The following PRDM16 variants were observed in gnomAD, a reference collection of about 807,000 sequenced individuals.
PRDM16 encodes PR/SET domain 16.
PRDM16 carries 23 observed loss-of-function variants against 110.6 expected under a neutral mutation model. That is an observed-to-expected ratio of 0.21 (90% confidence interval 0.15 to 0.29). The LOEUF (loss-of-function observed/expected upper bound fraction) is 0.29, where lower values mean the gene tolerates loss of function less well. Ranked by LOEUF, PRDM16 falls within the 10% of genes least tolerant of loss-of-function variation. PRDM16 has a pLI of 1.00. For missense variants in PRDM16, 1,615 were observed against 1,794.3 expected, an observed-to-expected ratio of 0.90 and a Z score of 1.81; for synonymous variants, 799 against 781.8, an observed-to-expected ratio of 1.02 and a Z score of -0.37.
rs926184932 is a variant in PRDM16 at position 3,180,906 on chromosome 1, T to C, written c.38-5219T>C. On this transcript the variant is annotated intron_variant, in intron 1 of 16. Coordinates refer to ENST00000270722, the MANE Select transcript of PRDM16 (RefSeq NM_022114.4). ...CTTACACACGGCCTCACACACGCAGTCTTACACGCAGCCTTACACACGCAG... is the reference window on the plus strand; with the variant it reads ...CTTACACACGGCCTCACACACGCAGCCTTACACGCAGCCTTACACACGCAG... Among the ~76,000 whole-genome samples the C allele has an allele frequency of 1.2e-3, 164 of 133,826 alleles. 1 individual carries two copies. The highest frequency in any genetic ancestry group is 2.5e-3 in the African/African-American group (95 of 37,490). The allele number at this position is 133,826 out of a possible 152,430, so 87.8% of individuals were successfully genotyped here.
intron 1 of PRDM16, among the ~76,000 whole-genome samples, chr1:3,129,897 G>A (rs1643298543): frequency 6.6e-6 from 1 of 151,906 alleles, no homozygotes; most frequent in Admixed American, 6.6e-5. Context: ...CCTACTTCCC[G>A]CTTTTGCTTT....
In PRDM16 at chr1:3,411,822, C is replaced by A. The variant is rs573253046; in HGVS notation, c.1625C>A (p.Thr542Asn). The A allele has an allele frequency of 2.0e-4, 328 of 1,611,210 alleles. 4 individuals carry two copies. In the South Asian group the frequency reaches 3.4e-3, roughly 17 times the overall value. Residue 542 changes from threonine to asparagine, a missense_variant, in exon 9 of 17, where the codon ACC (threonine) becomes AAC (asparagine). By Grantham distance (65) the Thr-to-Asn change is moderately conservative. Around this residue, in one of 5 missense-constraint regions of PRDM16, gnomAD observed 772 missense variants for 748.3 expected, o/e 1.03. Coordinates refer to ENST00000270722, the MANE Select transcript of PRDM16 (RefSeq NM_022114.4). ...CTGCTCAAGAGCCCCCTGAACCACA[C>A]CCAGGACGCCAAGCTCCCCAGTCCC... ...TSLLKSPLNHTQDAKLPSPLG... is the reference protein window; with the variant it reads ...TSLLKSPLNHNQDAKLPSPLG...
intron 1 of PRDM16, among the ~76,000 whole-genome samples, chr1:3,131,235 G>A (rs1008032669): frequency 1.3e-5 from 2 of 152,198 alleles, no homozygotes; most frequent in East Asian, 1.9e-4. Flanking sequence ...GACATTTCTC[G>A]TCATTGTCCA....
intron 2 of PRDM16, among the ~76,000 whole-genome samples, chr1:3,189,741 A>G (rs7545798): frequency 0.6 from 92,034 of 152,134 alleles, 30,177 homozygotes; most frequent in Non-Finnish European, 0.73. Context: ...CTCTGAGCTC[A>G]GAAGTGGGAT....
chr1:3,427,732 G>A (rs539585672), intron 14 of PRDM16, among the ~76,000 whole-genome samples: 2 of 152,110 alleles, frequency 1.3e-5, no homozygotes, highest in Admixed American at 6.5e-5. Context: ...AGCCCAGAGC[G>A]GGCTCAGAGG....
At chr1:3,325,821 A>G (rs1464746584) in intron 3 of PRDM16, among the ~76,000 whole-genome samples, 2 of 151,160 alleles carry the variant, frequency 1.3e-5, no homozygotes, top group African/African-American at 4.9e-5. Context: ...CTCTTTGGCC[A>G]TCTTTGATGA....
At chr1:3,403,155 G>A (rs1240618760) in intron 6 of PRDM16, among the ~76,000 whole-genome samples, 157 bp downstream of exon 6, 5 of 152,098 alleles carry the variant, frequency 3.3e-5, no homozygotes, top group African/African-American at 4.8e-5. Context: ...GACACACCCT[G>A]GGGATATGTG....
At chr1:3,096,037 C>T (rs538035865) in intron 1 of PRDM16, among the ~76,000 whole-genome samples, 7 of 152,180 alleles carry the variant, frequency 4.6e-5, no homozygotes, top group South Asian at 2.1e-4. Flanking sequence ...GCAAAGCCCT[C>T]GGGACCTGCC....
In PRDM16 at chr1:3,164,467, G is replaced by A. The variant is rs76479853; in HGVS notation, c.38-21658G>A. Among the ~76,000 whole-genome samples, 603 of 152,318 alleles carry A rather than the reference G, an allele frequency of 4.0e-3. 4 individuals carry two copies. The highest frequency in any genetic ancestry group is 0.013 in the African/African-American group (535 of 41,582). On this transcript the variant is annotated intron_variant, in intron 1 of 16. Transcript: ENST00000270722. ...GGAGGGCACCGAGGGCCATGGCCACGTACAGAAAGAGGACGGCTTCCAGTC... is the reference window on the plus strand; with the variant it reads ...GGAGGGCACCGAGGGCCATGGCCACATACAGAAAGAGGACGGCTTCCAGTC...
chr1:3,261,938 C>T (rs993668956), intron 3 of PRDM16, among the ~76,000 whole-genome samples: 3 of 152,204 alleles, frequency 2.0e-5, no homozygotes, highest in African/African-American at 7.2e-5. Context: ...GTCATCCTAC[C>T]CCCCACCCTG....
In PRDM16 at chr1:3,186,229, G is replaced by A. The variant is rs199968728; in HGVS notation, c.142G>A (p.Val48Met). 807 of 1,612,586 alleles carry A rather than the reference G, an allele frequency of 5.0e-4. 8 individuals carry two copies. The Middle Eastern group carries it at 8.3e-3, about 16-fold the overall frequency. ...AEDSAMSPIP[V>M]GPPSPFPTSE... Reference sequence around the variant, plus strand: ...GGACAGTGCCATGTCGCCCATCCCCGTGGGGCCACCGTCCCCCTTCCCCAC... The same window carrying A: ...GGACAGTGCCATGTCGCCCATCCCCATGGGGCCACCGTCCCCCTTCCCCAC... Residue 48 changes from valine to methionine, a missense_variant, in exon 2 of 17, where the codon GTG becomes ATG. Physicochemically the swap from Val to Met is conservative, Grantham distance 21 (BLOSUM62 1). This residue lies in a region of PRDM16 where 416 missense variants were observed against 467.1 expected (regional missense o/e 0.89). Coordinates refer to ENST00000270722, the MANE Select transcript of PRDM16 (RefSeq NM_022114.4).
intron 11 of PRDM16, among the ~76,000 whole-genome samples, chr1:3,418,356 C>T (rs1638328929): frequency 6.6e-6 from 1 of 152,210 alleles, no homozygotes; most frequent in Non-Finnish European, 1.5e-5. Flanking sequence ...ATGACACCCT[C>T]CCGGCCACCC....
At chr1:3,099,649 T>G (rs1244146537) in intron 1 of PRDM16, among the ~76,000 whole-genome samples, 5 of 152,066 alleles carry the variant, frequency 3.3e-5, no homozygotes, top group Non-Finnish European at 7.4e-5. Flanking sequence ...CCGAGTGCAG[T>G]GGGTCACAGA....
At chr1:3,285,411 T>G (rs955266991) in intron 3 of PRDM16, among the ~76,000 whole-genome samples, 2 of 152,232 alleles carry the variant, frequency 1.3e-5, no homozygotes, top group South Asian at 2.1e-4. Context: ...ATCCCTGTGA[T>G]GCTGCAAAGC....
At chr1:3,321,682 T>G (rs937225773) in intron 3 of PRDM16, among the ~76,000 whole-genome samples, 12 of 151,486 alleles carry the variant, frequency 7.9e-5, no homozygotes, top group Non-Finnish European at 1.6e-4. Flanking sequence ...CGTGTGTGTG[T>G]GGGTGCACGT....
intron 1 of PRDM16, among the ~76,000 whole-genome samples, chr1:3,166,018 A>AGG (rs1456546286): frequency 1.3e-5 from 2 of 152,134 alleles, no homozygotes; most frequent in Non-Finnish European, 2.9e-5. Flanking sequence ...GTGCTTGGGA[A>AGG]GGGGCTCCCT....
intron 1 of PRDM16, among the ~76,000 whole-genome samples, chr1:3,151,427 G>C (rs1393017930): frequency 6.6e-6 from 1 of 152,222 alleles, no homozygotes; most frequent in Non-Finnish European, 1.5e-5. Context: ...GGTCCACCTT[G>C]CCCAGCCAGG....
chr1:3,219,701 G>A (rs1460171799), intron 2 of PRDM16, among the ~76,000 whole-genome samples: 1 of 152,134 alleles, frequency 6.6e-6, no homozygotes. Flanking sequence ...AACATGGCAG[G>A]AGCAAGGGCT....
intron 3 of PRDM16, among the ~76,000 whole-genome samples, chr1:3,384,868 G>T (rs1409108620): frequency 6.6e-6 from 1 of 152,172 alleles, no homozygotes; most frequent in Non-Finnish European, 1.5e-5. Context: ...AACTCTGGAG[G>T]CTCATTTTAT....
Sources: gnomAD v4.1 joint callset for allele counts (sites outside exome capture counted in the v4.1 genomes callset) on GRCh38, gnomAD v4.1.1 for gene constraint, gnomAD v4.1.1 regional missense constraint, MANE v1.5 for transcripts, NCBI Gene and HGNC (gene_info 2026-07-23, HGNC 2026-07-21) for gene names.